Variants in PRKCA observed in about 807,000 individuals in gnomAD.
PRKCA encodes the protein protein kinase C alpha.
PRKCA carries 27 observed loss-of-function variants against 87.0 expected under a neutral mutation model. The ratio of observed to expected loss-of-function variants is 0.31; its 90% CI spans 0.23 to 0.43. The LOEUF (loss-of-function observed/expected upper bound fraction) is 0.43. PRKCA is among the 20% of genes least tolerant of loss of function. The pLI is 1.00. For missense variants in PRKCA, 518 were observed against 852.3 expected (o/e 0.61, Z 4.88); for synonymous variants, 329 against 311.1 (o/e 1.06, Z -0.61).
chr17:66,727,748 GA>G (rs1362768418), intron 8 of PRKCA, among the ~76,000 whole-genome samples: 3 of 152,158 alleles, frequency 2.0e-5, no homozygotes, highest in Non-Finnish European at 4.4e-5. Flanking sequence ...CCAGGCTAGG[GA>G]TGGGGGAGAA....
At chr17:66,394,362 G>T (rs138161032) in intron 2 of PRKCA, among the ~76,000 whole-genome samples, 107 of 152,316 alleles carry the variant, frequency 7.0e-4, no homozygotes, top group African/African-American at 2.5e-3. Flanking sequence ...AGTCAGGATG[G>T]ATTGGCAGGG....
chr17:66,770,339 A>G (rs1202015194), intron 13 of PRKCA, among the ~76,000 whole-genome samples: 1 of 152,240 alleles, frequency 6.6e-6, no homozygotes, highest in Non-Finnish European at 1.5e-5. Context: ...CCATGTAAAC[A>G]TTTGTTCAGA....
intron 16 of PRKCA, among the ~76,000 whole-genome samples, chr17:66,790,270 G>A (rs956013990): frequency 1.3e-5 from 2 of 152,184 alleles, no homozygotes; most frequent in African/African-American, 2.4e-5. Context: ...TTTATTTTTC[G>A]AAGATATTTT....
chr17:66,400,912 G>A (rs1231842857), intron 2 of PRKCA, among the ~76,000 whole-genome samples: 2 of 152,172 alleles, frequency 1.3e-5, no homozygotes, highest in Non-Finnish European at 2.9e-5. Context: ...ACTCCCCAGG[G>A]GAGGATGAGT....
chr17:66,306,458 T>C (rs1904822376), intron 2 of PRKCA: 1 of 246,096 alleles, frequency 4.1e-6, no homozygotes, highest in Non-Finnish European at 7.7e-6. Context: ...TTCTTCCTTG[T>C]TCTTCCTCTT....
Position 66,805,236 on chromosome 17 carries a change from T to C in PRKCA, c.*1199T>C. On this transcript the variant is annotated 3_prime_UTR_variant, in exon 17 of 17. Coordinates refer to ENST00000413366, the MANE Select transcript of PRKCA (RefSeq NM_002737.3). The stretch of plus-strand genomic sequence containing the variant: ...GCCTAACAGCTCAAAGATGTTTTGT[T>C]AATAGAAGGATTTTAATACGTTTTG... The C allele has an allele frequency of 1.3e-6, 1 of 785,946 alleles. No individual in the cohort carries two copies. Among genetic ancestry groups the C allele is most frequent in the Non-Finnish European group, 1.5e-6 (1 of 648,072 alleles). 48.7% of individuals were successfully genotyped at this position (785,946 alleles called of 1,614,324 possible).
chr17:66,431,946 T>C (rs1913119987), intron 2 of PRKCA, among the ~76,000 whole-genome samples: 1 of 152,202 alleles, frequency 6.6e-6, no homozygotes, highest in Admixed American at 6.5e-5. Context: ...CTAATTCTTT[T>C]TTCATTTCAA....
At chr17:66,414,043 A>C (rs1358715263) in intron 2 of PRKCA, among the ~76,000 whole-genome samples, 2 of 151,600 alleles carry the variant, frequency 1.3e-5, no homozygotes, top group African/African-American at 2.4e-5. Flanking sequence ...AAATATGAGA[A>C]CGAAAGATGC....
intron 2 of PRKCA, among the ~76,000 whole-genome samples, chr17:66,383,174 T>C (rs923184658): frequency 6.6e-6 from 1 of 152,198 alleles, no homozygotes; most frequent in Non-Finnish European, 1.5e-5. Context: ...CTTTGTGTAT[T>C]TGGCTTTTCT....
intron 13 of PRKCA, among the ~76,000 whole-genome samples, chr17:66,754,817 A>G (rs1054297782): frequency 1.3e-5 from 2 of 152,064 alleles, no homozygotes; most frequent in African/African-American, 2.4e-5. Context: ...ATGAATTCTT[A>G]AGTCAAACTT....
intron 13 of PRKCA, among the ~76,000 whole-genome samples, chr17:66,743,813 A>C (rs912986482): frequency 6.6e-6 from 1 of 152,162 alleles, no homozygotes; most frequent in African/African-American, 2.4e-5. Context: ...TACCCCATGC[A>C]TTTATCTCAG....
At chr17:66,347,530 T>C (rs963249341) in intron 2 of PRKCA, among the ~76,000 whole-genome samples, 1 of 152,238 alleles carries the variant, frequency 6.6e-6, no homozygotes, top group Non-Finnish European at 1.5e-5. Flanking sequence ...ATGTGTTGAA[T>C]GGCTCTTTTA....
At chr17:66,706,582 G>T (rs1973198444) in intron 8 of PRKCA, among the ~76,000 whole-genome samples, 1 of 151,156 alleles carries the variant, frequency 6.6e-6, no homozygotes, top group African/African-American at 2.4e-5. Flanking sequence ...AGCTTGCAGT[G>T]AGCCGAGATC....
chr17:66,375,684 C>G (rs2091737265), intron 2 of PRKCA, among the ~76,000 whole-genome samples: 1 of 152,050 alleles, frequency 6.6e-6, no homozygotes, highest in African/African-American at 2.4e-5. Flanking sequence ...TAGTTGTTGG[C>G]TTTAGGCTTG....
At chr17:66,680,415 G>A (rs1304365499) in intron 5 of PRKCA, among the ~76,000 whole-genome samples, 2 of 152,098 alleles carry the variant, frequency 1.3e-5, no homozygotes, top group Admixed American at 1.3e-4. Context: ...CTTTGTCCTT[G>A]TTTTTGGCTT....
intron 3 of PRKCA, among the ~76,000 whole-genome samples, chr17:66,515,544 T>C (rs1434686689): frequency 6.6e-6 from 1 of 152,120 alleles, no homozygotes; most frequent in African/African-American, 2.4e-5. Flanking sequence ...GTGTGAGTTT[T>C]TCTTTTTTTG....
intron 3 of PRKCA, among the ~76,000 whole-genome samples, chr17:66,619,046 A>G (rs866038385): frequency 1.3e-5 from 2 of 152,154 alleles, no homozygotes; most frequent in Non-Finnish European, 2.9e-5. Flanking sequence ...AGAACTGAGA[A>G]TGTAGGGCTT....
rs755078848 is a variant in PRKCA at position 66,302,904 on chromosome 17, A to G, written c.53A>G (p.Asn18Ser). Residue 18 changes from asparagine (N) to serine (S), a missense_variant, in exon 1 of 17, where the codon AAC (asparagine) becomes AGC (serine). Physicochemically the swap from Asn to Ser is conservative, Grantham distance 46 (BLOSUM62 1). This residue lies in a region of PRKCA where 33 missense variants were observed against 34.1 expected (regional missense o/e 0.97). Transcript: ENST00000413366. ...TCCACGGCGTCTCAGGACGTGGCCA[A>G]CCGCTTCGCCCGCAAAGGGGCGCTG... is the stretch of plus-strand genomic sequence containing the variant. ...NDSTASQDVA[N>S]RFARKGALRQ... 11 of 1,611,856 alleles carry G rather than the reference A, an allele frequency of 6.8e-6. No individual in the cohort carries two copies. In the Admixed American group the frequency reaches 1.5e-4, roughly 22 times the overall value.
chr17:66,667,405 A>G (rs922671722), intron 5 of PRKCA, among the ~76,000 whole-genome samples: 16 of 152,202 alleles, frequency 1.1e-4, no homozygotes, highest in African/African-American at 3.9e-4. Flanking sequence ...TGCCTCAGGA[A>G]ACTTACAATC....
Sources: gnomAD v4.1 joint callset for allele counts (sites outside exome capture counted in the v4.1 genomes callset) on GRCh38, gnomAD v4.1.1 for gene constraint, gnomAD v4.1.1 regional missense constraint, MANE v1.5 for transcripts, NCBI Gene and HGNC (gene_info 2026-07-23, HGNC 2026-07-21) for gene names.